The following CORIN variants were observed in gnomAD, a reference collection of about 807,000 sequenced individuals.
CORIN encodes atrial natriuretic peptide-converting enzyme.
A neutral mutation model predicts 125.3 loss-of-function variants in CORIN; 117 were observed. That is an observed-to-expected ratio of 0.93 (90% CI 0.80 to 1.09). The LOEUF (loss-of-function observed/expected upper bound fraction) is 1.09. CORIN is among the 50% of genes least tolerant of loss of function. The pLI is 0.00. For missense variants in CORIN, 1,253 were observed against 1,306.7 expected (o/e 0.96, Z 0.63); for synonymous variants, 450 against 466.4 (o/e 0.96, Z 0.45).
rs559255093 is a variant in CORIN at position 47,702,118 on chromosome 4, T to TA, written c.800-9036dup. 1.9e-3 allele frequency among the ~76,000 whole-genome samples: 287 copies of TA among 152,232 alleles called. 1 individual carries two copies. Among genetic ancestry groups the TA allele is most frequent in the African/African-American group, 5.9e-3 (245 of 41,574 alleles). The stretch of plus-strand genomic sequence containing the variant: ...TTAGGAAATAAACACTTAGTTTCTT[T>TA]AAAAAAATTGTGTTTAATAATACTT... On this transcript the variant is annotated intron_variant, in intron 5 of 21. Coordinates refer to ENST00000273857, the MANE Select transcript of CORIN (RefSeq NM_006587.4).
At chr4:47,622,256 A>G (rs1369213997) in intron 19 of CORIN, among the ~76,000 whole-genome samples, 3 of 151,610 alleles carry the variant, frequency 2.0e-5, no homozygotes, top group Non-Finnish European at 4.4e-5. Context: ...TCATTGTTGG[A>G]CATTTGGGTT....
At chr4:47,731,602 G>A (rs569707653) in intron 5 of CORIN, among the ~76,000 whole-genome samples, 45 of 152,332 alleles carry the variant, frequency 3.0e-4, no homozygotes, top group African/African-American at 9.6e-4. Context: ...CGGGCACGGT[G>A]GCTCACGCCT....
intron 5 of CORIN, chr4:47,707,105 A>T: frequency 4.2e-6 from 6 of 1,415,612 alleles, no homozygotes; most frequent in Non-Finnish European, 5.5e-6. Flanking sequence ...TGCTTTGTCA[A>T]ATTAAGAAAG....
At chr4:47,792,754 C>T (rs1035248523) in intron 2 of CORIN, among the ~76,000 whole-genome samples, 1 of 152,156 alleles carries the variant, frequency 6.6e-6, no homozygotes, top group South Asian at 2.1e-4. Flanking sequence ...TAGGCAGAAG[C>T]ATTTAATTGC....
chr4:47,651,245 A>G (rs1723719271), intron 13 of CORIN, among the ~76,000 whole-genome samples: 1 of 152,262 alleles, frequency 6.6e-6, no homozygotes, highest in African/African-American at 2.4e-5. Context: ...TAATTGTCCA[A>G]TTATTCAGTA....
In CORIN at chr4:47,674,513, G is replaced by C; in HGVS notation, c.1250-13C>G. The C allele has an allele frequency of 6.6e-7, 1 of 1,522,778 alleles. No individual in the cohort carries two copies. Among genetic ancestry groups the C allele is most frequent in the South Asian group, 1.1e-5 (1 of 89,290 alleles). The allele number at this position is 1,522,778 out of a possible 1,614,324, so 94.3% of individuals were successfully genotyped here. ...CATGAAGTCTGAACTACAGAGGGAG[G>C]AAAAGGCACATTGGCTTTCATCATC... On this transcript the variant is annotated splice_polypyrimidine_tract_variant and intron_variant, in intron 9 of 21. Transcript: ENST00000273857.
At chr4:47,829,198 CATTA>C (rs200638510) in intron 1 of CORIN, among the ~76,000 whole-genome samples, 2,352 of 136,814 alleles carry the variant, frequency 0.017, 67 homozygotes, top group African/African-American at 0.06. Context: ...TGAAATATTT[CATTA>C]ATTTTTATGT....
intron 5 of CORIN, among the ~76,000 whole-genome samples, chr4:47,718,487 G>T (rs185341931): frequency 6.6e-6 from 1 of 152,146 alleles, no homozygotes; most frequent in Non-Finnish European, 1.5e-5. Flanking sequence ...GCAGTCATTG[G>T]CATCCAGCAT....
At chr4:47,709,093 T>C (rs534711689) in intron 5 of CORIN, among the ~76,000 whole-genome samples, 10 of 152,230 alleles carry the variant, frequency 6.6e-5, no homozygotes, top group Non-Finnish European at 1.2e-4. Flanking sequence ...CCATTTGTCG[T>C]TAACAACCCA....
At chr4:47,833,063 A>C (rs1733135410) in intron 1 of CORIN, among the ~76,000 whole-genome samples, 1 of 152,152 alleles carries the variant, frequency 6.6e-6, no homozygotes, top group Non-Finnish European at 1.5e-5. Context: ...CTAGGATGAG[A>C]CTGGATCCTC....
intron 19 of CORIN, 33 bp downstream of exon 19, chr4:47,623,538 C>T (rs1005022207): frequency 3.1e-6 from 5 of 1,604,474 alleles, no homozygotes; most frequent in Non-Finnish European, 8.5e-7. Context: ...TGATCAAATC[C>T]AGGCAAAGGA....
intron 5 of CORIN, among the ~76,000 whole-genome samples, chr4:47,715,052 C>T (rs1319020280): frequency 2.0e-5 from 3 of 152,082 alleles, no homozygotes; most frequent in Non-Finnish European, 2.9e-5. Context: ...GGAGGAGACT[C>T]AAAGAATTGG....
intron 19 of CORIN, among the ~76,000 whole-genome samples, chr4:47,607,004 C>T (rs1721675119): frequency 1.3e-5 from 2 of 152,242 alleles, no homozygotes; most frequent in Non-Finnish European, 2.9e-5. Flanking sequence ...TTTGAATAAT[C>T]GAACATTCCA....
chr4:47,618,005 T>C (rs1160965748), intron 19 of CORIN, among the ~76,000 whole-genome samples: 2 of 149,354 alleles, frequency 1.3e-5, no homozygotes, highest in Non-Finnish European at 3.0e-5. Flanking sequence ...TCTTCAGTAA[T>C]GCTCTCCCTC....
chr4:47,741,434 G>C (rs1406989554), intron 5 of CORIN, among the ~76,000 whole-genome samples: 1 of 151,946 alleles, frequency 6.6e-6, no homozygotes, highest in African/African-American at 2.4e-5. Context: ...AGAGACAAGT[G>C]TGGTGAAAAT....
At chr4:47,745,466 A>G (rs1236850998) in intron 4 of CORIN, among the ~76,000 whole-genome samples, 1 of 152,260 alleles carries the variant, frequency 6.6e-6, no homozygotes, top group Non-Finnish European at 1.5e-5. Flanking sequence ...TGTGGAGCCA[A>G]TAAGATATCA....
intron 19 of CORIN, among the ~76,000 whole-genome samples, chr4:47,609,371 T>C (rs9999055): frequency 0.27 from 40,704 of 151,692 alleles, 5,548 homozygotes; most frequent in Admixed American, 0.35. Flanking sequence ...TCCTAAGTAG[T>C]TGGGATTACA....
intron 5 of CORIN, chr4:47,706,332 T>G (rs1293052561): frequency 6.8e-7 from 1 of 1,471,332 alleles, no homozygotes; most frequent in East Asian, 2.3e-5. Flanking sequence ...ACTACCAACT[T>G]TTGCCTTTCC....
Position 47,641,985 on chromosome 4 carries a change from G to A in CORIN, c.2133C>T (p.His711=), listed in dbSNP as rs760842408. 6.8e-6 allele frequency: 11 copies of A among 1,613,636 alleles called. No homozygotes were observed. Among genetic ancestry groups the A allele is most frequent in the Non-Finnish European group, 9.3e-6 (11 of 1,179,684 alleles). The change falls in exon 16 of 22, where the codon CAC becomes CAT. Residue 711 remains histidine (H), a synonymous_variant. Coordinates refer to ENST00000273857, the MANE Select transcript of CORIN (RefSeq NM_006587.4). ...FLMVHRAATE[H]HVCADGWQEI... ...CCTGCCAGCCATCTGCACACACATG[G>A]TGTTCTGTGGCAGCTCTGTGAACCA...
Sources: allele counts gnomAD v4.1 joint callset (sites outside exome capture counted in the v4.1 genomes callset), GRCh38; gene constraint gnomAD v4.1.1; transcripts MANE v1.5; gene names NCBI Gene and HGNC (gene_info 2026-07-23, HGNC 2026-07-21).